The following GPC3 variants were observed in gnomAD, a reference collection of about 807,000 sequenced individuals.
The protein encoded by GPC3 is glypican-3.
A neutral mutation model predicts 34.4 loss-of-function variants in GPC3; 3 were observed. The observed-to-expected ratio is 0.09, with a 90% CI of 0.04 to 0.23. The LOEUF is 0.23. Ranked by LOEUF, GPC3 falls within the 10% of genes least tolerant of loss-of-function variation. GPC3 has a pLI of 1.00. For synonymous variants in GPC3, 177 were observed against 174.0 expected (o/e 1.02, Z -0.13); for missense variants, 351 against 445.6 (o/e 0.79, Z 1.91).
rs1325699969 is a variant in GPC3, at chrX:133,687,397, T to G, written c.1292+4972A>C. Among the ~76,000 whole-genome samples, 190 of 80,541 alleles carry G rather than the reference T, an allele frequency of 2.4e-3. 1 individual carries two copies. Among genetic ancestry groups the G allele is most frequent in the African/African-American group, 8.1e-3 (176 of 21,832 alleles). The allele number at this position is 80,541 out of a possible 115,157, so 69.9% of individuals were successfully genotyped here. ...GAATTATCAGAGTTTTTTTTTTTTTTTTTTTTTTTTTTGAGATGGAATCTT... is the reference window on the plus strand; with the variant it reads ...GAATTATCAGAGTTTTTTTTTTTTTGTTTTTTTTTTTTGAGATGGAATCTT... On this transcript the variant is annotated intron_variant, in intron 5 of 7. Transcript: ENST00000370818.
intron 2 of GPC3, among the ~76,000 whole-genome samples, chrX:133,936,535 T>C (rs1025569385): frequency 9.0e-6 from 1 of 111,406 alleles, no homozygotes; most frequent in African/African-American, 3.3e-5. Flanking sequence ...TTGTGAAAAA[T>C]GAAAAGCCTT....
At chrX:133,852,005 T>C (rs1401800179) in intron 2 of GPC3, among the ~76,000 whole-genome samples, 1 of 111,859 alleles carries the variant, frequency 8.9e-6, no homozygotes, top group African/African-American at 3.2e-5. Flanking sequence ...AAACCATCGC[T>C]CATTTATGAT....
Position 133,753,533 on chromosome X carries a change from G to A in GPC3, c.981C>T (p.Ile327=). The change falls in exon 3 of 8, where the codon ATC becomes ATT. Residue 327 remains isoleucine (I), a synonymous_variant. Transcript: ENST00000370818. The part of the protein sequence containing the change: ...ENVLLGLFST[I]HDSIQYVQKN... ...TCTGGACATACTGGATAGAATCATG[G>A]ATTGTTGAAAAGAGACCAAGCAGTA... is the stretch of plus-strand genomic sequence containing the variant. 8.3e-7 allele frequency: 1 copy of A among 1,210,769 alleles called. No homozygotes were observed.
At chrX:133,769,399 A>G (rs1187847236) in intron 2 of GPC3, among the ~76,000 whole-genome samples, 1 of 112,387 alleles carries the variant, frequency 8.9e-6, no homozygotes, top group East Asian at 2.8e-4. Flanking sequence ...CTTATCACAA[A>G]GAAAATAATA....
chrX:133,787,021 G>A (rs1016972181), intron 2 of GPC3, among the ~76,000 whole-genome samples: 2 of 111,749 alleles, frequency 1.8e-5, no homozygotes, highest in Non-Finnish European at 3.8e-5. Flanking sequence ...CCTTTCTCAG[G>A]TTTGATGGAT....
intron 2 of GPC3, among the ~76,000 whole-genome samples, chrX:133,831,682 A>G (rs1422929717): frequency 8.9e-6 from 1 of 111,892 alleles, no homozygotes; most frequent in African/African-American, 3.3e-5. Context: ...ATGAGCTGAG[A>G]TCGTGCCATT....
intron 2 of GPC3, chrX:133,763,803 T>C (rs2071822001): frequency 4.8e-6 from 2 of 418,280 alleles, no homozygotes; most frequent in South Asian, 3.3e-5. Context: ...GAAAAGGGAA[T>C]GCCTATGCAC....
intron 7 of GPC3, among the ~76,000 whole-genome samples, chrX:133,538,597 G>A (rs2069314657): frequency 9.6e-6 from 1 of 104,613 alleles, no homozygotes; most frequent in Non-Finnish European, 1.9e-5. Context: ...CAGAAGTTTT[G>A]TTAAATCCAG....
intron 2 of GPC3, among the ~76,000 whole-genome samples, chrX:133,918,721 G>A (rs2076235162): frequency 9.0e-6 from 1 of 111,699 alleles, no homozygotes; most frequent in African/African-American, 3.3e-5. Context: ...ATACCAGAGT[G>A]GATGGCACCT....
chrX:133,607,730 G>A (rs748895753), intron 6 of GPC3, among the ~76,000 whole-genome samples: 2 of 112,541 alleles, frequency 1.8e-5, no homozygotes, highest in South Asian at 7.4e-4. Context: ...TTGACTACCA[G>A]CATTTACTTT....
intron 2 of GPC3, among the ~76,000 whole-genome samples, chrX:133,796,149 G>T (rs1005635575): frequency 4.6e-5 from 5 of 109,675 alleles, no homozygotes; most frequent in Admixed American, 1.9e-4. Flanking sequence ...GTTTCACCGT[G>T]TTAGCCAGGA....
At chrX:133,689,440 T>G (rs1345745878) in intron 5 of GPC3, among the ~76,000 whole-genome samples, 1 of 111,744 alleles carries the variant, frequency 8.9e-6, no homozygotes, top group African/African-American at 3.2e-5. Flanking sequence ...AGAAATTTCT[T>G]GGTTCCAGGG....
intron 2 of GPC3, among the ~76,000 whole-genome samples, chrX:133,825,464 C>T (rs2075741907): frequency 9.0e-6 from 1 of 111,724 alleles, no homozygotes; most frequent in East Asian, 2.8e-4. Flanking sequence ...ATTTACAAGG[C>T]TGTTTGCATT....
chrX:133,646,990 A>T (rs1379738691), intron 6 of GPC3, among the ~76,000 whole-genome samples: 1 of 112,297 alleles, frequency 8.9e-6, no homozygotes, highest in East Asian at 2.8e-4. Context: ...AGGAAGGGCT[A>T]TTCCAGATGA....
chrX:133,923,218 A>C (rs1323263013), intron 2 of GPC3, among the ~76,000 whole-genome samples: 8 of 111,824 alleles, frequency 7.2e-5, no homozygotes, highest in Non-Finnish European at 1.9e-5. Context: ...TTTAGGAAAC[A>C]AAATCGGACC....
intron 5 of GPC3, among the ~76,000 whole-genome samples, chrX:133,686,806 T>C (rs2071009019): frequency 9.7e-6 from 1 of 102,755 alleles, no homozygotes; most frequent in African/African-American, 3.6e-5. Context: ...CACACACACT[T>C]GCGCCTGCAC....
chrX:133,901,730 C>T (rs1355067320), intron 2 of GPC3, among the ~76,000 whole-genome samples: 5 of 112,124 alleles, frequency 4.5e-5, no homozygotes, highest in African/African-American at 9.7e-5. Flanking sequence ...TGAGCCACTG[C>T]GCCTGGCAAT....
In GPC3 at chrX:133,677,811, C is replaced by T. The variant is rs1227329539; in HGVS notation, c.1292+14558G>A. 2.7e-5 allele frequency among the ~76,000 whole-genome samples: 3 copies of T among 111,229 alleles called. No homozygotes were observed. The Admixed American group carries it at 2.9e-4, about 11-fold the overall frequency. On this transcript the variant is annotated intron_variant, in intron 5 of 7. Coordinates refer to ENST00000370818, the MANE Select transcript of GPC3 (RefSeq NM_004484.4). ...GAGCAGAGAAGCATGGTATGAGAGGCAGGAAATGTACTTCTACTCTCAAGG... is the reference window on the plus strand; with the variant it reads ...GAGCAGAGAAGCATGGTATGAGAGGTAGGAAATGTACTTCTACTCTCAAGG...
chrX:133,585,663 T>C (rs1281887810), intron 7 of GPC3, among the ~76,000 whole-genome samples: 1 of 111,775 alleles, frequency 8.9e-6, no homozygotes, highest in East Asian at 2.8e-4. Context: ...CACTTCTGTT[T>C]GGCAACCCAG....
Sources: gnomAD v4.1 joint callset for allele counts (sites outside exome capture counted in the v4.1 genomes callset) on GRCh38, gnomAD v4.1.1 for gene constraint, MANE v1.5 for transcripts, NCBI Gene and HGNC (gene_info 2026-07-23, HGNC 2026-07-21) for gene names.